ANKDD1B: variants seen among roughly 807,000 people sequenced by gnomAD.
The protein encoded by ANKDD1B is ankyrin repeat and death domain-containing protein 1B.
ANKDD1B carries 57 observed loss-of-function variants against 59.7 expected under a neutral mutation model. The ratio of observed to expected loss-of-function variants is 0.95; its 90% CI spans 0.77 to 1.19. ANKDD1B has a LOEUF of 1.19. Among genes scored for constraint, ANKDD1B ranks in the 50% most tolerant of loss-of-function variants. The pLI, the probability that ANKDD1B is intolerant of heterozygous loss-of-function variation, is 0.00. For synonymous variants in ANKDD1B, 216 were observed against 239.5 expected (o/e 0.90, Z 0.91); for missense variants, 602 against 641.9 (o/e 0.94, Z 0.67).
intron 5 of ANKDD1B, among the ~76,000 whole-genome samples, chr5:75,633,645 G>C (rs541734106): frequency 6.6e-6 from 1 of 152,162 alleles, no homozygotes; most frequent in South Asian, 2.1e-4. Context: ...TTCTGCTACC[G>C]TATTGCCACC....
intron 6 of ANKDD1B, 179 bp from the exon 7 acceptor site, chr5:75,635,605 T>C: frequency 2.5e-6 from 1 of 403,830 alleles, no homozygotes. Flanking sequence ...CTATACCTTT[T>C]TATTTAAAAC....
In ANKDD1B at chr5:75,661,414, A is replaced by AAAAAAAAAAAAAAG. The variant is rs1471501853; in HGVS notation, c.1096-1969_1096-1968insAAGAAAAAAAAAAA. On this transcript the variant is annotated intron_variant, in intron 10 of 13. Transcript: ENST00000601380. ...TCCGTCTGAAAAAAAAAAAAAAAAA[A>AAAAAAAAAAAAAAG]AAAAAAAAAAAGTAACACAGGCCCA... Among the ~76,000 whole-genome samples the AAAAAAAAAAAAAAG allele has an allele frequency of 1.4e-3, 190 of 131,436 alleles. 3 individuals are homozygous for AAAAAAAAAAAAAAG. The highest frequency in any genetic ancestry group is 2.9e-3 in the South Asian group (11 of 3,742). 86.2% of individuals were successfully genotyped at this position (131,436 alleles called of 152,430 possible).
intron 7 of ANKDD1B, among the ~76,000 whole-genome samples, chr5:75,648,113 GA>G (rs1238631484): frequency 7.5e-4 from 53 of 70,636 alleles, no homozygotes; most frequent in African/African-American, 2.7e-3. Flanking sequence ...GGGGTGGGGG[GA>G]GGGGGGAGGG....
Position 75,670,960 on chromosome 5 carries a change from G to A in ANKDD1B, c.1526-19G>A. 8.5e-7 allele frequency: 1 copy of A among 1,176,442 alleles called. No homozygotes were observed. The highest frequency in any genetic ancestry group is 1.1e-6 in the Non-Finnish European group (1 of 937,450). The allele number at this position is 1,176,442 out of a possible 1,614,324, so 72.9% of individuals were successfully genotyped here. ...TTAAAAATTTTAGGTATTCATAAAT[G>A]TTATCTTATTTTTTCCAGAAAAGAC... On this transcript the variant is annotated intron_variant, in intron 13 of 13. Coordinates refer to ENST00000601380, the MANE Select transcript of ANKDD1B (RefSeq NM_001276713.2).
At chr5:75,660,935 C>T (rs1775120034) in intron 10 of ANKDD1B, among the ~76,000 whole-genome samples, 1 of 152,152 alleles carries the variant, frequency 6.6e-6, no homozygotes, top group Non-Finnish European at 1.5e-5. Context: ...AGTTCAATAG[C>T]CAGCACTTCC....
chr5:75,624,629 T>A (rs1316656893), intron 3 of ANKDD1B, among the ~76,000 whole-genome samples: 2 of 152,220 alleles, frequency 1.3e-5, no homozygotes, highest in African/African-American at 2.4e-5. Flanking sequence ...TGAGATCCTC[T>A]TTATAACTTG....
intron 8 of ANKDD1B, among the ~76,000 whole-genome samples, chr5:75,654,080 T>C (rs1447697337): frequency 6.6e-6 from 1 of 152,222 alleles, no homozygotes; most frequent in African/African-American, 2.4e-5. Flanking sequence ...CAGAAATTCT[T>C]CCTTTCATGC....
chr5:75,631,836 T>G (rs891804298), intron 5 of ANKDD1B, among the ~76,000 whole-genome samples: 4 of 152,136 alleles, frequency 2.6e-5, no homozygotes, highest in Non-Finnish European at 4.4e-5. Flanking sequence ...CTAGGCGCGG[T>G]GGCTCACACC....
chr5:75,661,869 T>TA (rs1775161684), intron 10 of ANKDD1B, among the ~76,000 whole-genome samples: 1 of 140,982 alleles, frequency 7.1e-6, no homozygotes. Context: ...AATAAATGAA[T>TA]AAAAAATATC....
At chr5:75,634,601 G>C (rs1774249501) in intron 5 of ANKDD1B, 1 of 246,584 alleles carries the variant, frequency 4.1e-6, no homozygotes, top group Non-Finnish European at 8.0e-6. Flanking sequence ...TATTTAAAAG[G>C]GAATCTTGTC....
At chr5:75,619,046 A>G (rs116529494) in intron 2 of ANKDD1B, among the ~76,000 whole-genome samples, 1,882 of 152,332 alleles carry the variant, frequency 0.012, 44 homozygotes, top group African/African-American at 0.043. Flanking sequence ...ATGCCCAGCC[A>G]TAACTCATGT....
At chr5:75,658,927 A>G (rs1321092330) in intron 9 of ANKDD1B, among the ~76,000 whole-genome samples, 1 of 152,194 alleles carries the variant, frequency 6.6e-6, no homozygotes, top group East Asian at 1.9e-4. Flanking sequence ...TATATCTATT[A>G]AACGGTAACT....
intron 9 of ANKDD1B, among the ~76,000 whole-genome samples, 189 bp from the exon 10 acceptor site, chr5:75,659,094 T>C (rs543209090): frequency 1.3e-5 from 2 of 152,218 alleles, no homozygotes; most frequent in Non-Finnish European, 2.9e-5. Flanking sequence ...ATTTATCTAG[T>C]GAGTCTCCTT....
At chr5:75,633,799 C>T (rs1774227678) in intron 5 of ANKDD1B, among the ~76,000 whole-genome samples, 1 of 152,116 alleles carries the variant, frequency 6.6e-6, no homozygotes, top group African/African-American at 2.4e-5. Flanking sequence ...GAGGTGGGAC[C>T]TATTGGGAGA....
chr5:75,649,088 T>A (rs1774747732), intron 7 of ANKDD1B, among the ~76,000 whole-genome samples: 1 of 151,982 alleles, frequency 6.6e-6, no homozygotes, highest in African/African-American at 2.4e-5. Flanking sequence ...CTGCCCTGGG[T>A]CCAATAAAGG....
chr5:75,636,103 T>G (rs1013329225), intron 7 of ANKDD1B, among the ~76,000 whole-genome samples: 1 of 152,236 alleles, frequency 6.6e-6, no homozygotes, highest in Non-Finnish European at 1.5e-5. Context: ...TTGTTTAATA[T>G]GTACTGTATG....
chr5:75,627,396 C>T (rs1387257315), intron 5 of ANKDD1B, among the ~76,000 whole-genome samples: 1 of 152,104 alleles, frequency 6.6e-6, no homozygotes, highest in Non-Finnish European at 1.5e-5. Context: ...TAAGCCATTC[C>T]ATAACCCCCT....
intron 13 of ANKDD1B, among the ~76,000 whole-genome samples, chr5:75,670,048 G>A (rs115006924): frequency 2.7e-3 from 418 of 152,276 alleles, no homozygotes; most frequent in Admixed American, 4.7e-3. Flanking sequence ...AGTGAACACC[G>A]ACTGATCCAA....
intron 7 of ANKDD1B, among the ~76,000 whole-genome samples, chr5:75,638,464 C>T (rs967136348): frequency 3.9e-5 from 6 of 152,124 alleles, no homozygotes; most frequent in East Asian, 1.9e-4. Context: ...GCTCTAGAGC[C>T]GTGGCTTCTA....
Sources: allele counts gnomAD v4.1 joint callset (sites outside exome capture counted in the v4.1 genomes callset), GRCh38; gene constraint gnomAD v4.1.1; transcripts MANE v1.5; gene names NCBI Gene and HGNC (gene_info 2026-07-23, HGNC 2026-07-21).